CUX2: variants seen among roughly 807,000 people sequenced by gnomAD.
CUX2 encodes cut like homeobox 2.
Under a neutral mutation model 144.8 loss-of-function variants are expected in CUX2, and 40 were observed. The observed-to-expected ratio is 0.28, with a 90% confidence interval of 0.21 to 0.36. The LOEUF (loss-of-function observed/expected upper bound fraction) is 0.36. CUX2 is among the 10% of genes least tolerant of loss of function. The probability of loss-of-function intolerance (pLI) is 1.00; values close to 1 mark genes in which losing one functional copy is unlikely to be tolerated. For synonymous variants in CUX2, 827 were observed against 875.6 expected, an observed-to-expected ratio of 0.94 and a Z score of 0.98; for missense variants, 1,615 against 1,994.0, an observed-to-expected ratio of 0.81 and a Z score of 3.62.
chr12:111,339,173 G>A lies in CUX2; in HGVS notation c.3385+699G>A, dbSNP rs373483079. On this transcript the variant is annotated intron_variant, in intron 20 of 21. Coordinates refer to ENST00000261726, the MANE Select transcript of CUX2 (RefSeq NM_015267.4). ...CTTGAACCTAGGAGGTGGAGGTTGC[G>A]GTGAGCTGAGATCACGCCACTGCAC... is the stretch of plus-strand genomic sequence containing the variant. Among the ~76,000 whole-genome samples, 39 of 151,248 alleles carry A rather than the reference G, an allele frequency of 2.6e-4. 1 individual carries two copies. The highest frequency in any genetic ancestry group is 9.0e-4 in the African/African-American group (37 of 41,198).
At chr12:111,222,179 T>A (rs1044700294) in intron 3 of CUX2, among the ~76,000 whole-genome samples, 3 of 152,216 alleles carry the variant, frequency 2.0e-5, no homozygotes, top group African/African-American at 7.2e-5. Flanking sequence ...AGCACAAAAA[T>A]TATTTTCTCA....
At position 111,197,168 on chromosome 12, in the gene CUX2, T is replaced by G. The variant is rs112317988; in HGVS notation, c.64-17032T>G. Among the ~76,000 whole-genome samples, 378 of 152,308 alleles carry G rather than the reference T, an allele frequency of 2.5e-3. 2 individuals are homozygous for G. Among genetic ancestry groups the G allele is most frequent in the African/African-American group, 8.7e-3 (362 of 41,570 alleles). ...CCCTCCTAGCCTCAGTTTTCTCATCTGCAAAATGGAAGTACTAATATCTCT... is the reference window on the plus strand; with the variant it reads ...CCCTCCTAGCCTCAGTTTTCTCATCGGCAAAATGGAAGTACTAATATCTCT... On this transcript the variant is annotated intron_variant, in intron 1 of 21. Transcript: ENST00000261726.
At chr12:111,115,072 C>T (rs1874206773) in intron 1 of CUX2, among the ~76,000 whole-genome samples, 1 of 152,082 alleles carries the variant, frequency 6.6e-6, no homozygotes, top group Non-Finnish European at 1.5e-5. Context: ...ACTATATCTT[C>T]ACAGTAAGTT....
At position 111,322,675 on chromosome 12, in the gene CUX2, C is replaced by T; in HGVS notation, c.2926+95C>T. ...GGCTTTACTGCCCGAGTCTACCTAT[C>T]TCTCCCTCCCTGCTGCCCTGGCTTT... is the stretch of plus-strand genomic sequence containing the variant. On this transcript the variant is annotated intron_variant, in intron 18 of 21. Transcript: ENST00000261726. This position sits in a 1 kb window ranked among gnomAD's most constrained non-coding sequence, Gnocchi z 4.2. The T allele has an allele frequency of 6.9e-7, 1 of 1,440,408 alleles. No individual in the cohort carries two copies. The highest frequency in any genetic ancestry group is 9.4e-7 in the Non-Finnish European group (1 of 1,064,374). The allele number at this position is 1,440,408 out of a possible 1,614,324, so 89.2% of individuals were successfully genotyped here.
intron 3 of CUX2, among the ~76,000 whole-genome samples, chr12:111,228,271 T>C (rs1437550680): frequency 6.6e-6 from 1 of 152,048 alleles, no homozygotes; most frequent in Non-Finnish European, 1.5e-5. Context: ...AACTCCCCAT[T>C]TTGCTACTTA....
At chr12:111,053,974 G>A (rs1870401230) in intron 1 of CUX2, among the ~76,000 whole-genome samples, 1 of 152,148 alleles carries the variant, frequency 6.6e-6, no homozygotes, top group Admixed American at 6.5e-5. Flanking sequence ...GGCCAATGTG[G>A]TGAAACCTGT....
chr12:111,114,349 T>A (rs1292588212), intron 1 of CUX2, among the ~76,000 whole-genome samples: 1 of 152,254 alleles, frequency 6.6e-6, no homozygotes, highest in African/African-American at 2.4e-5. Flanking sequence ...TGATTAATGA[T>A]GTTGAGCATC....
At chr12:111,121,174 A>C (rs1021198635) in intron 1 of CUX2, among the ~76,000 whole-genome samples, 46 of 151,226 alleles carry the variant, frequency 3.0e-4, no homozygotes, top group Admixed American at 2.0e-3. Context: ...ATTCTTTACT[A>C]TATTGATTTA....
At chr12:111,251,390 C>T (rs970823016) in intron 3 of CUX2, among the ~76,000 whole-genome samples, 1 of 152,090 alleles carries the variant, frequency 6.6e-6, no homozygotes, top group Non-Finnish European at 1.5e-5. Context: ...TAGTTGCCAC[C>T]GAGCGGAGGT....
chr12:111,154,445 C>G (rs192162804), intron 1 of CUX2, among the ~76,000 whole-genome samples: 2 of 152,268 alleles, frequency 1.3e-5, no homozygotes, highest in Non-Finnish European at 2.9e-5. Flanking sequence ...TCAGAGCCTT[C>G]TTTTCCTCCT....
intron 18 of CUX2, among the ~76,000 whole-genome samples, chr12:111,324,363 A>G (rs1037112243): frequency 8.9e-5 from 13 of 146,036 alleles, no homozygotes; most frequent in South Asian, 4.4e-4. Flanking sequence ...AAAAAAAAAA[A>G]AAAGAAAGAA....
intron 1 of CUX2, among the ~76,000 whole-genome samples, chr12:111,173,293 C>T (rs1281010984): frequency 1.3e-5 from 2 of 152,206 alleles, no homozygotes; most frequent in Non-Finnish European, 2.9e-5. Context: ...CAGGGTGATA[C>T]TCAGAAAGTC....
chr12:111,237,980 A>T (rs2042106778), intron 3 of CUX2, among the ~76,000 whole-genome samples: 1 of 152,176 alleles, frequency 6.6e-6, no homozygotes, highest in Non-Finnish European at 1.5e-5. Flanking sequence ...AGATGCCAGG[A>T]GCACCTTCCT....
intron 1 of CUX2, among the ~76,000 whole-genome samples, chr12:111,118,530 T>C (rs543095273): frequency 1.3e-5 from 2 of 152,268 alleles, no homozygotes; most frequent in South Asian, 4.1e-4. Context: ...TTTACCAGCA[T>C]ACCACTGCCT....
chr12:111,205,580 G>T (rs536836386), intron 1 of CUX2, among the ~76,000 whole-genome samples: 2 of 152,136 alleles, frequency 1.3e-5, no homozygotes, highest in African/African-American at 4.8e-5. Context: ...ACCCTTGAGG[G>T]ACTGTGTGCC....
At chr12:111,175,102 C>A (rs1878768094) in intron 1 of CUX2, among the ~76,000 whole-genome samples, 1 of 152,144 alleles carries the variant, frequency 6.6e-6, no homozygotes, top group Non-Finnish European at 1.5e-5. Flanking sequence ...TTTTGTACAT[C>A]CCTGGTGAAA....
intron 1 of CUX2, among the ~76,000 whole-genome samples, chr12:111,159,940 G>A (rs1037561151): frequency 2.0e-5 from 3 of 152,162 alleles, no homozygotes; most frequent in Non-Finnish European, 4.4e-5. Flanking sequence ...CAGGAGAATC[G>A]CTTGAACCCG....
chr12:111,134,620 CTG>C lies in CUX2; in HGVS notation c.64-79552_64-79551del, dbSNP rs750270262. On this transcript the variant is annotated intron_variant, in intron 1 of 21. Coordinates refer to ENST00000261726, the MANE Select transcript of CUX2 (RefSeq NM_015267.4). ...TCTCTCTCTCTCTCTCTCTCTCTCTCTGTGTGTGTGTGTGTGTGTGTGTGTGT... is the reference window on the plus strand; with the variant it reads ...TCTCTCTCTCTCTCTCTCTCTCTCTCTGTGTGTGTGTGTGTGTGTGTGTGT... Among the ~76,000 whole-genome samples the C allele has an allele frequency of 9.9e-3, 1,410 of 141,802 alleles. 21 individuals carry two copies. The highest frequency in any genetic ancestry group is 0.033 in the African/African-American group (1,178 of 36,094). The allele number at this position is 141,802 out of a possible 152,430, so 93.0% of individuals were successfully genotyped here. A position where few individuals can be genotyped will look rare whatever the true frequency, so the allele number is the denominator to read the frequency against.
intron 1 of CUX2, among the ~76,000 whole-genome samples, chr12:111,036,662 A>G (rs1478882790): frequency 6.8e-6 from 1 of 146,998 alleles, no homozygotes; most frequent in Non-Finnish European, 1.5e-5. Context: ...AACAATGGCT[A>G]GTGTGTCTGG....
Sources: gnomAD v4.1 joint callset for allele counts (sites outside exome capture counted in the v4.1 genomes callset) on GRCh38, gnomAD v4.1.1 for gene constraint, Gnocchi (gnomAD v3.1) non-coding constraint, MANE v1.5 for transcripts, NCBI Gene and HGNC (gene_info 2026-07-23, HGNC 2026-07-21) for gene names.